RPS6KC1: variants seen among roughly 807,000 people sequenced by gnomAD.
RPS6KC1 encodes the protein ribosomal protein S6 kinase C1.
RPS6KC1 carries 54 observed loss-of-function variants against 103.8 expected under a neutral mutation model. The ratio of observed to expected loss-of-function variants is 0.52; its 90% CI spans 0.42 to 0.65. RPS6KC1 has a LOEUF of 0.65. RPS6KC1 is among the 30% of genes least tolerant of loss of function. RPS6KC1 has a pLI of 0.00. For missense variants in RPS6KC1, 1,151 were observed against 1,253.8 expected (o/e 0.92, Z 1.24); for synonymous variants, 439 against 438.7 (o/e 1.00, Z -0.01).
intron 7 of RPS6KC1, among the ~76,000 whole-genome samples, chr1:213,174,993 A>G (rs905327921): frequency 6.6e-6 from 1 of 152,226 alleles, no homozygotes; most frequent in Non-Finnish European, 1.5e-5. Flanking sequence ...TTAAAACTTA[A>G]ACATCATTTC....
At chr1:213,543,156 G>C in the RPS6KC1 span, among the ~76,000 whole-genome samples, 1 of 152,220 alleles carries the variant, frequency 6.6e-6, no homozygotes, top group Non-Finnish European at 1.5e-5. Context: ...GATGAGCCTA[G>C]AGATGCTCAT....
At chr1:213,498,462 A>C in the RPS6KC1 span, among the ~76,000 whole-genome samples, 34,081 of 141,496 alleles carry the variant, frequency 0.24, 4,537 homozygotes, top group Middle Eastern at 0.35. Context: ...CTTTTCTTTT[A>C]TTTTCTTTTT....
rs1183693518 is a variant in RPS6KC1 at position 213,115,097 on chromosome 1, T to C, written c.379-2220T>C. On this transcript the variant is annotated intron_variant, in intron 4 of 14. Coordinates refer to ENST00000366960, the MANE Select transcript of RPS6KC1 (RefSeq NM_012424.6). ...TGAGTTAGGGAGGATTCCCTCTTTT[T>C]CTATTGATTGGAATAGTTTCAGAAG... Among the ~76,000 whole-genome samples the C allele has an allele frequency of 3.3e-5, 5 of 152,358 alleles. No individual in the cohort carries two copies. The East Asian group carries it at 5.8e-4, about 18-fold the overall frequency.
At chr1:213,165,042 A>G (rs995301068) in intron 6 of RPS6KC1, among the ~76,000 whole-genome samples, 2 of 152,212 alleles carry the variant, frequency 1.3e-5, no homozygotes, top group African/African-American at 2.4e-5. Flanking sequence ...ACATTTGTCA[A>G]TAATTTGACT....
intron 8 of RPS6KC1, among the ~76,000 whole-genome samples, chr1:213,225,172 G>A (rs1445987109): frequency 1.3e-5 from 2 of 152,096 alleles, no homozygotes; most frequent in African/African-American, 2.4e-5. Context: ...AGCCCTGTAC[G>A]GCTCAGTTGA....
At chr1:213,218,892 T>G (rs545062668) in intron 8 of RPS6KC1, among the ~76,000 whole-genome samples, 10 of 152,328 alleles carry the variant, frequency 6.6e-5, no homozygotes, top group African/African-American at 2.4e-4. Context: ...ACTTAAATGT[T>G]AGACCTAAAA....
intron 3 of RPS6KC1, among the ~76,000 whole-genome samples, chr1:213,103,731 G>T (rs1040043086): frequency 1.3e-5 from 2 of 152,152 alleles, no homozygotes; most frequent in African/African-American, 4.8e-5. Flanking sequence ...ATTGCAATCA[G>T]TATGATATAT....
the RPS6KC1 span, among the ~76,000 whole-genome samples, chr1:213,363,423 C>T: frequency 6.6e-6 from 1 of 152,172 alleles, no homozygotes; most frequent in African/African-American, 2.4e-5. Flanking sequence ...CAACAAGGAC[C>T]AGCTCCTCCC....
chr1:213,314,595 A>G, the RPS6KC1 span, among the ~76,000 whole-genome samples: 1 of 151,614 alleles, frequency 6.6e-6, no homozygotes, highest in African/African-American at 2.4e-5. Flanking sequence ...GCTCTGAGGA[A>G]TCCTGTGAAG....
the RPS6KC1 span, among the ~76,000 whole-genome samples, chr1:213,703,217 A>T: frequency 0.15 from 22,965 of 152,172 alleles, 2,101 homozygotes; most frequent in Middle Eastern, 0.27. Flanking sequence ...AGCAAGTGAA[A>T]AGAAAACTAA....
At chr1:213,394,438 C>T in the RPS6KC1 span, among the ~76,000 whole-genome samples, 1 of 152,164 alleles carries the variant, frequency 6.6e-6, no homozygotes, top group African/African-American at 2.4e-5. Flanking sequence ...CCCCCTACCC[C>T]TCACCCCACC....
chr1:213,294,715 C>T, the RPS6KC1 span, among the ~76,000 whole-genome samples: 1 of 152,136 alleles, frequency 6.6e-6, no homozygotes, highest in African/African-American at 2.4e-5. Flanking sequence ...AGTAAACTCA[C>T]CTAGCAATTT....
intron 2 of RPS6KC1, among the ~76,000 whole-genome samples, chr1:213,072,361 G>A (rs2078965400): frequency 6.6e-6 from 1 of 151,822 alleles, no homozygotes; most frequent in Admixed American, 6.6e-5. Context: ...AGTTGTTTTT[G>A]TCCTATGATT....
chr1:213,055,291 G>C (rs1384357229), intron 1 of RPS6KC1, among the ~76,000 whole-genome samples: 1 of 151,370 alleles, frequency 6.6e-6, no homozygotes, highest in Non-Finnish European at 1.5e-5. Context: ...GTATTTTCTA[G>C]AATTTTGTAT....
chr1:213,397,931 C>G, the RPS6KC1 span, among the ~76,000 whole-genome samples: 1 of 152,174 alleles, frequency 6.6e-6, no homozygotes, highest in Non-Finnish European at 1.5e-5. Context: ...GCCGTGGAGA[C>G]AGAAGGGCCT....
the RPS6KC1 span, among the ~76,000 whole-genome samples, chr1:213,806,011 C>G: frequency 3.8e-3 from 583 of 152,228 alleles, 12 homozygotes; most frequent in Non-Finnish European, 2.2e-3. Context: ...TTTTTCTGAG[C>G]AGGAGGTCTC....
chr1:213,733,869 C>A, the RPS6KC1 span, among the ~76,000 whole-genome samples: 1 of 152,288 alleles, frequency 6.6e-6, no homozygotes, highest in Non-Finnish European at 1.5e-5. Flanking sequence ...TTGTGTTTAG[C>A]AAGAACTGGT....
At chr1:213,416,112 G>A in the RPS6KC1 span, among the ~76,000 whole-genome samples, 4 of 152,132 alleles carry the variant, frequency 2.6e-5, no homozygotes, top group Non-Finnish European at 2.9e-5. Flanking sequence ...TGAAAGTGCC[G>A]GGGGATCTCC....
the RPS6KC1 span, among the ~76,000 whole-genome samples, chr1:213,549,926 A>G: frequency 6.6e-6 from 1 of 152,212 alleles, no homozygotes; most frequent in South Asian, 2.1e-4. Context: ...GTTTGCTTCT[A>G]CTTAAGCTTC....
Sources: allele counts gnomAD v4.1 joint callset (sites outside exome capture counted in the v4.1 genomes callset), GRCh38; gene constraint gnomAD v4.1.1; transcripts MANE v1.5; gene names NCBI Gene and HGNC (gene_info 2026-07-23, HGNC 2026-07-21).